LGR4: variants seen among roughly 807,000 people sequenced by gnomAD.
The protein encoded by LGR4 is leucine rich repeat containing G protein-coupled receptor 4.
A neutral mutation model predicts 84.8 loss-of-function variants in LGR4; 44 were observed. The observed-to-expected ratio is 0.52, with a 90% CI of 0.41 to 0.67. The LOEUF is 0.67. Ranked by LOEUF, LGR4 falls within the 30% of genes least tolerant of loss-of-function variation. The pLI is 0.00. For synonymous variants in LGR4, 429 were observed against 434.3 expected (o/e 0.99, Z 0.15); for missense variants, 1,032 against 1,131.4 (o/e 0.91, Z 1.26).
In LGR4 at chr11:27,472,780, T is replaced by G. The variant is rs1378536216; in HGVS notation, c.-478A>C. ...CTTCCCGTCCTTTTCCCTTCTAGGG[T>G]TGCACGCTCTGGTTCCCAAACCCCC... On this transcript the variant is annotated 5_prime_UTR_variant, in exon 1 of 18. Coordinates refer to ENST00000379214, the MANE Select transcript of LGR4 (RefSeq NM_018490.5). The G allele has an allele frequency of 6.2e-6, 2 of 323,842 alleles. No homozygotes were observed. Among genetic ancestry groups the G allele is most frequent in the East Asian group, 4.8e-5 (1 of 20,834 alleles). 20.1% of individuals were successfully genotyped at this position (323,842 alleles called of 1,614,324 possible).
At chr11:27,382,130 A>G in intron 7 of LGR4, 58 bp downstream of exon 7, 1 of 1,105,724 alleles carries the variant, frequency 9.0e-7, no homozygotes, top group Non-Finnish European at 1.4e-6. Context: ...CATTGTTGGA[A>G]CATTAAATGG....
intron 17 of LGR4, among the ~76,000 whole-genome samples, chr11:27,371,207 T>G (rs1862876805): frequency 6.6e-6 from 1 of 152,224 alleles, no homozygotes; most frequent in African/African-American, 2.4e-5. Flanking sequence ...GGTATCAGTT[T>G]AATAACTTTC....
intron 1 of LGR4, among the ~76,000 whole-genome samples, chr11:27,426,358 A>T (rs538407218): frequency 6.6e-6 from 1 of 152,344 alleles, no homozygotes; most frequent in East Asian, 1.9e-4. Flanking sequence ...CATTAAAAAT[A>T]GCTTGGGAGG....
chr11:27,431,572 C>G (rs1864116664), intron 1 of LGR4, among the ~76,000 whole-genome samples: 1 of 152,330 alleles, frequency 6.6e-6, no homozygotes, highest in East Asian at 1.9e-4. Context: ...AAATGGTCTG[C>G]TGTTTTTCAT....
chr11:27,380,214 G>T, intron 10 of LGR4, 57 bp downstream of exon 10: 2 of 1,106,962 alleles, frequency 1.8e-6, no homozygotes, highest in Non-Finnish European at 2.7e-6. Context: ...CTGGCACCCT[G>T]CTAGCAGTCC....
At chr11:27,410,062 A>G (rs186241983) in intron 2 of LGR4, among the ~76,000 whole-genome samples, 2 of 152,288 alleles carry the variant, frequency 1.3e-5, no homozygotes, top group African/African-American at 4.8e-5. Flanking sequence ...AGCACGTGAA[A>G]TGTGGCTAGT....
chr11:27,467,361 T>C (rs958647052), intron 1 of LGR4, among the ~76,000 whole-genome samples: 1 of 151,740 alleles, frequency 6.6e-6, no homozygotes, highest in African/African-American at 2.4e-5. Context: ...AGGTCAGGAA[T>C]TCAAGACCAG....
intron 1 of LGR4, among the ~76,000 whole-genome samples, chr11:27,467,621 G>T (rs1265249423): frequency 1.3e-5 from 2 of 151,498 alleles, no homozygotes; most frequent in Non-Finnish European, 2.9e-5. Context: ...AACACTTTTG[G>T]CAGTTAAGAG....
rs1864908699 is a variant in LGR4, at chr11:27,472,755, C to T, written c.-453G>A. 1 of 350,748 alleles carries T rather than the reference C, an allele frequency of 2.9e-6. No individual in the cohort carries two copies. Among genetic ancestry groups the T allele is most frequent in the African/African-American group, 2.1e-5 (1 of 46,824 alleles). The allele number at this position is 350,748 out of a possible 1,614,324, so 21.7% of individuals were successfully genotyped here. ...CTGTCTCCCAGCCGCGGCTCAATCT[C>T]TTCCCGTCCTTTTCCCTTCTAGGGT... On this transcript the variant is annotated 5_prime_UTR_variant, in exon 1 of 18. Coordinates refer to ENST00000379214, the MANE Select transcript of LGR4 (RefSeq NM_018490.5).
chr11:27,436,942 G>A (rs1234340387), intron 1 of LGR4, among the ~76,000 whole-genome samples: 18 of 152,032 alleles, frequency 1.2e-4, no homozygotes, highest in Non-Finnish European at 7.4e-5. Context: ...GGGATTTGAG[G>A]GGGTGGGAAT....
Position 27,472,767 on chromosome 11 carries a change from T to G in LGR4, c.-465A>C. On this transcript the variant is annotated 5_prime_UTR_variant, in exon 1 of 18. Coordinates refer to ENST00000379214, the MANE Select transcript of LGR4 (RefSeq NM_018490.5). ...CGCGGCTCAATCTCTTCCCGTCCTTTTCCCTTCTAGGGTTGCACGCTCTGG... is the reference window on the plus strand; with the variant it reads ...CGCGGCTCAATCTCTTCCCGTCCTTGTCCCTTCTAGGGTTGCACGCTCTGG... The G allele has an allele frequency of 3.7e-5, 12 of 328,552 alleles. No homozygotes were observed. Among genetic ancestry groups the G allele is most frequent in the Non-Finnish European group, 5.5e-5 (10 of 181,880 alleles). 20.4% of individuals were successfully genotyped at this position (328,552 alleles called of 1,614,324 possible). A position where few individuals can be genotyped will look rare whatever the true frequency, so the allele number is the denominator to read the frequency against.
chr11:27,369,817 G>A (rs1862847087), intron 17 of LGR4, among the ~76,000 whole-genome samples: 1 of 152,072 alleles, frequency 6.6e-6, no homozygotes, highest in Non-Finnish European at 1.5e-5. Flanking sequence ...GATGAAGCAG[G>A]TTAAGACAGT....
At chr11:27,403,567 T>C (rs1863545333) in intron 2 of LGR4, among the ~76,000 whole-genome samples, 1 of 152,180 alleles carries the variant, frequency 6.6e-6, no homozygotes, top group African/African-American at 2.4e-5. Context: ...TGGTAAAAAC[T>C]AGATGTATTA....
At chr11:27,374,690 A>G (rs1406800281) in intron 13 of LGR4, among the ~76,000 whole-genome samples, 1 of 152,196 alleles carries the variant, frequency 6.6e-6, no homozygotes, top group Non-Finnish European at 1.5e-5. Context: ...ATTCTGAGAC[A>G]TATTTCCTAG....
At chr11:27,422,269 A>C (rs1033783607) in intron 1 of LGR4, among the ~76,000 whole-genome samples, 6 of 152,182 alleles carry the variant, frequency 3.9e-5, no homozygotes, top group Non-Finnish European at 8.8e-5. Context: ...TAATTAACTA[A>C]ATGGGTTATG....
In LGR4 at chr11:27,376,247, T is replaced by C. The variant is rs540057289; in HGVS notation, c.1181+52A>G. 4.9e-5 allele frequency: 49 copies of C among 1,008,322 alleles called. No individual in the cohort carries two copies. In the African/African-American group the frequency reaches 6.7e-4, roughly 14 times the overall value. The allele number at this position is 1,008,322 out of a possible 1,614,324, so 62.5% of individuals were successfully genotyped here. On this transcript the variant is annotated intron_variant, in intron 13 of 17. Transcript: ENST00000379214. Reference sequence around the variant, plus strand: ...TAACATGGAAATCATAACAACATATTAACATAGTTTGGAAAAAATTTATTG... The same window carrying C: ...TAACATGGAAATCATAACAACATATCAACATAGTTTGGAAAAAATTTATTG...
At chr11:27,467,948 A>G (rs1353196609) in intron 1 of LGR4, among the ~76,000 whole-genome samples, 1 of 152,258 alleles carries the variant, frequency 6.6e-6, no homozygotes, top group Non-Finnish European at 1.5e-5. Context: ...TCTGTAATTC[A>G]GAAATCAAAA....
chr11:27,451,087 TA>T (rs1864473673), intron 1 of LGR4, among the ~76,000 whole-genome samples: 1 of 152,202 alleles, frequency 6.6e-6, no homozygotes, highest in Non-Finnish European at 1.5e-5. Context: ...TATTCACAAC[TA>T]AATGAACGGT....
chr11:27,468,800 C>T (rs932278543), intron 1 of LGR4, among the ~76,000 whole-genome samples: 14 of 152,142 alleles, frequency 9.2e-5, no homozygotes, highest in Non-Finnish European at 1.9e-4. Flanking sequence ...ACTTTCTTCA[C>T]GAAGTCACAG....
Sources: allele counts gnomAD v4.1 joint callset (sites outside exome capture counted in the v4.1 genomes callset), GRCh38; gene constraint gnomAD v4.1.1; transcripts MANE v1.5; gene names NCBI Gene and HGNC (gene_info 2026-07-23, HGNC 2026-07-21).